The following UNC80 variants were observed in gnomAD, a reference collection of about 807,000 sequenced individuals.
The protein encoded by UNC80 is unc-80 subunit of NALCN channel complex, also known as protein unc-80 homolog.
In UNC80, 164 loss-of-function variants were observed where a neutral mutation model predicts 384.6. The observed-to-expected ratio is 0.43, with a 90% CI of 0.38 to 0.49. UNC80 has a LOEUF of 0.49. Ranked by LOEUF, UNC80 falls within the 20% of genes least tolerant of loss-of-function variation. The pLI, the probability that UNC80 is intolerant of heterozygous loss-of-function variation, is 0.00. For synonymous variants in UNC80, 1,486 were observed against 1,527.8 expected (o/e 0.97, Z 0.64); for missense variants, 3,330 against 4,143.0 (o/e 0.80, Z 5.39).
At chr2:209,969,556 A>C in intron 52 of UNC80, 1 of 553,658 alleles carries the variant, frequency 1.8e-6, no homozygotes, top group Non-Finnish European at 3.1e-6. Flanking sequence ...TTTCTTCAAT[A>C]GATTTAGTCG....
intron 22 of UNC80, among the ~76,000 whole-genome samples, chr2:209,866,527 C>CGCACAT (rs2083822351): frequency 1.1e-5 from 1 of 90,948 alleles, no homozygotes; most frequent in African/African-American, 4.6e-5. Flanking sequence ...CACACACACA[C>CGCACAT]ACACACAGAG....
At chr2:209,964,823 A>G (rs571495803) in intron 51 of UNC80, among the ~76,000 whole-genome samples, 12 of 151,668 alleles carry the variant, frequency 7.9e-5, no homozygotes, top group African/African-American at 2.7e-4. Context: ...GAAGGGGGGA[A>G]ATCGACATAT....
rs568564498 is a variant in UNC80 at position 209,851,637 on chromosome 2, A to G, written c.3627+2014A>G. 3.3e-5 allele frequency among the ~76,000 whole-genome samples: 5 copies of G among 152,104 alleles called. No homozygotes were observed. In the East Asian group the frequency reaches 9.7e-4, roughly 29 times the overall value. ...CTATTTTTCCCTTTTTCCAATGAAG[A>G]TTGTGTTTGTATAGTGATTTTTTTT... On this transcript the variant is annotated intron_variant, in intron 22 of 64. Transcript: ENST00000673920.
chr2:209,999,247 T>G lies in UNC80; in HGVS notation c.*3652T>G, dbSNP rs562028044. Reference sequence around the variant, plus strand: ...AGATATTTATGAAAGATATTAAGACTTCTGTGTTTAGGTATGCACATATGA... The same window carrying G: ...AGATATTTATGAAAGATATTAAGACGTCTGTGTTTAGGTATGCACATATGA... On this transcript the variant is annotated 3_prime_UTR_variant, in exon 65 of 65. Transcript: ENST00000673920. 2.6e-5 allele frequency: 4 copies of G among 152,370 alleles called. No homozygotes were observed. In the South Asian group the frequency reaches 8.3e-4, roughly 32 times the overall value. The allele number at this position is 152,370 out of a possible 1,614,324, so 9.4% of individuals were successfully genotyped here.
chr2:209,793,795 G>A lies in UNC80; in HGVS notation c.874G>A (p.Gly292Arg), dbSNP rs1045797819. 2.5e-6 allele frequency: 4 copies of A among 1,614,018 alleles called. No homozygotes were observed. Among genetic ancestry groups the A allele is most frequent in the South Asian group, 2.2e-5 (2 of 91,076 alleles). Reference sequence around the variant, plus strand: ...GGCCACCATTTCAGGCTGTCACCGAGGAAACTCCTTTGATGGAAGTCTGTC... The same window carrying A: ...GGCCACCATTTCAGGCTGTCACCGAAGAAACTCCTTTGATGGAAGTCTGTC... ...PKATISGCHR[G>R]NSFDGSLSSQ... Residue 292 changes from glycine to arginine, a missense_variant, in exon 7 of 65, where the codon GGA becomes AGA. Around this residue, in one of 8 missense-constraint regions of UNC80, gnomAD observed 937 missense variants for 1,026.8 expected, o/e 0.91. Coordinates refer to ENST00000673920, the MANE Select transcript of UNC80 (RefSeq NM_001371986.1).
chr2:209,886,721 C>A (rs1158702552), intron 25 of UNC80, among the ~76,000 whole-genome samples: 1 of 152,190 alleles, frequency 6.6e-6, no homozygotes, highest in Non-Finnish European at 1.5e-5. Context: ...GCTGAACTGC[C>A]TTTCCCCACT....
chr2:209,834,283 T>A (rs2081195438), intron 17 of UNC80, 115 bp downstream of exon 17: 1 of 1,172,136 alleles, frequency 8.5e-7, no homozygotes, highest in African/African-American at 1.5e-5. Flanking sequence ...ATGGTAAAAT[T>A]ATCTTGCGTA....
chr2:209,880,206 T>C (rs561294686), intron 24 of UNC80, among the ~76,000 whole-genome samples: 2 of 152,358 alleles, frequency 1.3e-5, no homozygotes, highest in East Asian at 3.9e-4. Context: ...AAAAAATCAC[T>C]ATGGTGTTAC....
intron 14 of UNC80, among the ~76,000 whole-genome samples, chr2:209,828,796 A>G (rs1313675997): frequency 1.3e-5 from 2 of 152,094 alleles, no homozygotes; most frequent in African/African-American, 2.4e-5. Context: ...CACTGTATAG[A>G]CATTCTTTTG....
At chr2:209,944,942 A>T (rs2091840826) in intron 45 of UNC80, 109 bp from the exon 46 acceptor site, 1 of 1,222,782 alleles carries the variant, frequency 8.2e-7, no homozygotes, top group Non-Finnish European at 1.1e-6. Flanking sequence ...AATTCCAGGT[A>T]GATGTTGTAC....
intron 51 of UNC80, among the ~76,000 whole-genome samples, chr2:209,966,346 G>A (rs866279573): frequency 3.3e-5 from 5 of 152,282 alleles, no homozygotes; most frequent in African/African-American, 9.6e-5. Flanking sequence ...GAATCATACA[G>A]AATAGTTGTA....
Position 209,894,362 on chromosome 2 carries a change from C to G in UNC80, c.4476C>G (p.Asp1492Glu). The G allele has an allele frequency of 2.0e-6, 2 of 985,182 alleles. No homozygotes were observed. The highest frequency in any genetic ancestry group is 9.4e-5 in the South Asian group (2 of 21,278). The allele number at this position is 985,182 out of a possible 1,614,324, so 61.0% of individuals were successfully genotyped here. A position where few individuals can be genotyped will look rare whatever the true frequency, so the allele number is the denominator to read the frequency against. ...QLSQSRDTVT[D>E]LEGSPWSASE... ...CCCAGAGCAGGGACACTGTCACTGA[C>G]CTAGGTAACATAGAGGAGTGGGGTG... The change falls in exon 27 of 65, where the codon GAC becomes GAG. Residue 1492 changes from aspartate to glutamate, a missense_variant. Coordinates refer to ENST00000673920, the MANE Select transcript of UNC80 (RefSeq NM_001371986.1).
chr2:209,784,075 A>G (rs1401487386), intron 4 of UNC80, among the ~76,000 whole-genome samples: 3 of 152,098 alleles, frequency 2.0e-5, no homozygotes, highest in African/African-American at 4.8e-5. Context: ...TATCTTTCTT[A>G]ATCGTGAAGC....
intron 59 of UNC80, 108 bp downstream of exon 59, chr2:209,978,816 C>G (rs781250301): frequency 1.8e-6 from 2 of 1,114,916 alleles, no homozygotes; most frequent in African/African-American, 3.2e-5. Flanking sequence ...ATCCCCTAGT[C>G]ATTTTTACAA....
chr2:209,836,906 A>G (rs1355411068), intron 18 of UNC80, among the ~76,000 whole-genome samples: 2 of 152,222 alleles, frequency 1.3e-5, no homozygotes, highest in African/African-American at 2.4e-5. Flanking sequence ...GTAACATTTT[A>G]TTGAGGAAAT....
intron 63 of UNC80, 49 bp from the exon 64 acceptor site, chr2:209,994,016 C>A: frequency 6.7e-7 from 1 of 1,487,684 alleles, no homozygotes; most frequent in Non-Finnish European, 9.0e-7. Flanking sequence ...CATTGACGGT[C>A]CGTTTCCACC....
intron 12 of UNC80, 105 bp downstream of exon 12, chr2:209,819,366 A>G: frequency 1.6e-6 from 2 of 1,259,842 alleles, no homozygotes; most frequent in Non-Finnish European, 2.1e-6. Context: ...AGAAATATCA[A>G]ACCTTGAAAT....
chr2:209,849,598 C>G lies in UNC80; in HGVS notation c.3602C>G (p.Ser1201Cys). The G allele has an allele frequency of 1.9e-6, 3 of 1,550,710 alleles. No homozygotes were observed. Among genetic ancestry groups the G allele is most frequent in the South Asian group, 2.4e-5 (2 of 84,018 alleles). ...CCEPGTIPDA[S>C]ILAAALDLEA... ...GAGCCAGGGACAATTCCTGATGCCT[C>G]CATCCTAGCAGCTGCCTTGGATCTA... The change falls in exon 22 of 65, where the codon TCC (serine) becomes TGC (cysteine). Residue 1201 changes from serine (S) to cysteine (C), a missense_variant. Ser to Cys is a moderately radical substitution (Grantham distance 112). Coordinates refer to ENST00000673920, the MANE Select transcript of UNC80 (RefSeq NM_001371986.1).
At chr2:209,775,547 A>G (rs574584210) in intron 2 of UNC80, among the ~76,000 whole-genome samples, 1 of 152,350 alleles carries the variant, frequency 6.6e-6, no homozygotes, top group East Asian at 1.9e-4. Context: ...TTTATAAAAT[A>G]TACATCCAAA....
Sources: gnomAD v4.1 joint callset for allele counts (sites outside exome capture counted in the v4.1 genomes callset) on GRCh38, gnomAD v4.1.1 for gene constraint, gnomAD v4.1.1 regional missense constraint, MANE v1.5 for transcripts, NCBI Gene and HGNC (gene_info 2026-07-23, HGNC 2026-07-21) for gene names.